The following STS variants were observed in gnomAD, a reference collection of about 807,000 sequenced individuals.
The protein encoded by STS is steroid sulfatase.
A neutral mutation model predicts 26.8 loss-of-function variants in STS; 7 were observed. The ratio of observed to expected loss-of-function variants is 0.26; its 90% CI spans 0.15 to 0.49. The LOEUF is 0.49. Ranked by LOEUF, STS falls within the 20% of genes least tolerant of loss-of-function variation. STS has a pLI of 0.98. For missense variants in STS, 434 were observed against 465.6 expected (o/e 0.93, Z 0.63); for synonymous variants, 199 against 189.4 (o/e 1.05, Z -0.42).
chrX:7,320,430 T>C (rs776981210), intron 8 of STS, among the ~76,000 whole-genome samples: 5 of 110,894 alleles, frequency 4.5e-5, no homozygotes, highest in African/African-American at 1.6e-4. Flanking sequence ...TTTCCTGATT[T>C]AATAGTTTGG....
At chrX:7,324,443 G>T (rs1233987322) in intron 8 of STS, among the ~76,000 whole-genome samples, 1 of 111,924 alleles carries the variant, frequency 8.9e-6, no homozygotes, top group South Asian at 3.8e-4. Context: ...GACCCCAAAA[G>T]AGAAGGAGAT....
intron 8 of STS, among the ~76,000 whole-genome samples, chrX:7,311,321 A>G (rs974441494): frequency 9.0e-6 from 1 of 111,323 alleles, no homozygotes; most frequent in African/African-American, 3.3e-5. Flanking sequence ...GAGGACTGAC[A>G]TAACTGTTAG....
At chrX:7,323,919 C>A (rs1273456014) in intron 8 of STS, among the ~76,000 whole-genome samples, 1 of 110,545 alleles carries the variant, frequency 9.0e-6, no homozygotes, top group Non-Finnish European at 1.9e-5. Context: ...GTGATTACAC[C>A]CCTCCACTTC....
At chrX:7,286,403 C>T (rs1401463458) in intron 7 of STS, among the ~76,000 whole-genome samples, 1 of 111,055 alleles carries the variant, frequency 9.0e-6, no homozygotes, top group Non-Finnish European at 1.9e-5. Context: ...TCATTGCACA[C>T]CCGTATTGCT....
At chrX:7,305,299 C>T (rs1926158240) in intron 8 of STS, 116 bp downstream of exon 8, 1 of 973,219 alleles carries the variant, frequency 1.0e-6, no homozygotes, top group African/African-American at 1.9e-5. Flanking sequence ...GGTAGGACTT[C>T]CTTGTGTCAT....
At chrX:7,248,491 A>G (rs1174425566) in intron 2 of STS, among the ~76,000 whole-genome samples, 3 of 112,164 alleles carry the variant, frequency 2.7e-5, no homozygotes, top group Non-Finnish European at 5.6e-5. Context: ...CCCATTGGCT[A>G]AGACAAATCA....
chrX:7,169,281 G>C (rs1292556072), intron 1 of STS, among the ~76,000 whole-genome samples: 1 of 112,040 alleles, frequency 8.9e-6, no homozygotes, highest in Non-Finnish European at 1.9e-5. Context: ...TGCTCTCCAA[G>C]AGGAGGGATC....
At chrX:7,150,064 A>G (rs111674883) in intron 1 of STS, among the ~76,000 whole-genome samples, 8 of 111,610 alleles carry the variant, frequency 7.2e-5, no homozygotes, top group African/African-American at 2.6e-4. Context: ...GTATGACAGT[A>G]TTTCCCACCT....
rs1180488660 is a variant in STS, at chrX:7,185,955, G to A, written c.-133-4925G>A. Among the ~76,000 whole-genome samples the A allele has an allele frequency of 4.5e-5, 5 of 112,264 alleles. No individual in the cohort carries two copies. In the East Asian group the frequency reaches 1.4e-3, roughly 32 times the overall value. On this transcript the variant is annotated intron_variant, in intron 1 of 10. Coordinates refer to ENST00000674429, the MANE Select transcript of STS (RefSeq NM_001320752.2). ...ATCCAAGCTTGCAGACCTCCCTCCT[G>A]TTGGCTTTTGTTAGGTGTTGTGAAT...
intron 2 of STS, among the ~76,000 whole-genome samples, chrX:7,223,987 GAGA>G (rs1258117196): frequency 9.0e-6 from 1 of 110,987 alleles, no homozygotes; most frequent in Non-Finnish European, 1.9e-5. Flanking sequence ...TTAGTTGAAA[GAGA>G]AGGAGAAAGG....
chrX:7,153,587 ACT>A (rs1444863520), intron 1 of STS, among the ~76,000 whole-genome samples: 1 of 28,496 alleles, frequency 3.5e-5, no homozygotes, highest in Non-Finnish European at 6.6e-5. Flanking sequence ...TGACTCCCTC[ACT>A]CTCTGCTTCC....
chrX:7,150,336 C>T (rs1932986535), intron 1 of STS, among the ~76,000 whole-genome samples: 1 of 111,521 alleles, frequency 9.0e-6, no homozygotes, highest in Admixed American at 9.5e-5. Context: ...ATTCTCCTGC[C>T]TCAGCCTCCC....
At chrX:7,258,025 TGG>T (rs1923515512) in intron 5 of STS, among the ~76,000 whole-genome samples, 1 of 107,361 alleles carries the variant, frequency 9.3e-6, no homozygotes, top group South Asian at 4.1e-4. Flanking sequence ...GATGGATGGA[TGG>T]ATGGATGGAT....
intron 10 of STS, among the ~76,000 whole-genome samples, chrX:7,342,480 G>A (rs775332089): frequency 8.9e-6 from 1 of 112,352 alleles, no homozygotes; most frequent in African/African-American, 3.2e-5. Flanking sequence ...GTAAAAGGGA[G>A]TATTTTGTCC....
chrX:7,325,371 C>A lies in STS; in HGVS notation c.1114C>A (p.Arg372=). The A allele has an allele frequency of 8.3e-7, 1 of 1,211,210 alleles. No individual in the cohort carries two copies. Among genetic ancestry groups the A allele is most frequent in the Non-Finnish European group, 1.1e-6 (1 of 895,265 alleles). Residue 372 remains arginine, a synonymous_variant, in exon 9 of 11, where the codon CGG becomes AGG. Transcript: ENST00000674429. The part of the protein sequence containing the change: ...GKANNWEGGI[R]VPGILRWPRV... ...AGCAAACAACTGGGAAGGAGGTATCCGGGTTCCAGGCATCCTTCGTTGGCC... is the reference window on the plus strand; with the variant it reads ...AGCAAACAACTGGGAAGGAGGTATCAGGGTTCCAGGCATCCTTCGTTGGCC...
intron 10 of STS, among the ~76,000 whole-genome samples, chrX:7,345,164 G>T (rs747595900): frequency 3.6e-5 from 4 of 111,401 alleles, no homozygotes; most frequent in Non-Finnish European, 7.5e-5. Flanking sequence ...GGGTAGGACT[G>T]CTATTTCTCG....
intron 8 of STS, among the ~76,000 whole-genome samples, chrX:7,320,974 A>C (rs1402132750): frequency 1.8e-5 from 2 of 111,758 alleles, no homozygotes; most frequent in Non-Finnish European, 3.8e-5. Flanking sequence ...TTCAGCTGTA[A>C]GAAATGAGCT....
intron 2 of STS, among the ~76,000 whole-genome samples, chrX:7,205,618 C>A (rs867469806): frequency 9.7e-6 from 1 of 103,529 alleles, no homozygotes; most frequent in Non-Finnish European, 2.0e-5. Flanking sequence ...TCTTTTCTTT[C>A]GTTTTCTTTT....
Position 7,349,920 on chromosome X carries a change from C to T in STS, c.1396C>T (p.Pro466Ser). The T allele has an allele frequency of 8.3e-7, 1 of 1,211,859 alleles. No individual in the cohort carries two copies. Among genetic ancestry groups the T allele is most frequent in the Non-Finnish European group, 1.1e-6 (1 of 895,454 alleles). Residue 466 changes from proline to serine, a missense_variant, in exon 11 of 11, where the codon CCC becomes TCC. Physicochemically the swap from Pro to Ser is moderately conservative, Grantham distance 74. This residue lies in a region of STS where 205 missense variants were observed against 177.3 expected (regional missense o/e 1.16). Coordinates refer to ENST00000674429, the MANE Select transcript of STS (RefSeq NM_001320752.2). ...CATCTGGAAGGCCTTTTTCTTCACC[C>T]CCAACTTCAACCCCGTGGGTTCCAA... Reference protein sequence around the residue: ...TSIWKAFFFTPNFNPVGSNGC... With the variant: ...TSIWKAFFFTSNFNPVGSNGC...
Sources: allele counts gnomAD v4.1 joint callset (sites outside exome capture counted in the v4.1 genomes callset), GRCh38; gene constraint gnomAD v4.1.1; regional missense constraint gnomAD v4.1.1; transcripts MANE v1.5; gene names NCBI Gene and HGNC (gene_info 2026-07-23, HGNC 2026-07-21).